CSNK1G3: variants seen among roughly 807,000 people sequenced by gnomAD.
CSNK1G3 encodes casein kinase 1 gamma 3, also known as casein kinase I isoform gamma-3.
A neutral mutation model predicts 64.3 loss-of-function variants in CSNK1G3; 23 were observed. The observed-to-expected ratio is 0.36, with a 90% CI of 0.26 to 0.51. CSNK1G3 has a LOEUF of 0.51. Ranked by LOEUF, CSNK1G3 falls within the 20% of genes least tolerant of loss-of-function variation. The pLI, the probability that CSNK1G3 is intolerant of heterozygous loss-of-function variation, is 0.96. For synonymous variants in CSNK1G3, 158 were observed against 162.2 expected, an observed-to-expected ratio of 0.97 and a Z score of 0.20; for missense variants, 357 against 510.5, an observed-to-expected ratio of 0.70 and a Z score of 2.90.
At chr5:123,564,011 A>G (rs1025946411) in intron 4 of CSNK1G3, among the ~76,000 whole-genome samples, 4 of 152,052 alleles carry the variant, frequency 2.6e-5, no homozygotes, top group African/African-American at 9.7e-5. Flanking sequence ...GAAGTTTTTA[A>G]AAATATGTAA....
At chr5:123,553,303 A>G (rs2150363638) in intron 3 of CSNK1G3, among the ~76,000 whole-genome samples, 156 bp downstream of exon 3, 1 of 152,320 alleles carries the variant, frequency 6.6e-6, no homozygotes, top group Admixed American at 6.5e-5. Flanking sequence ...AGCTCCTAAC[A>G]TCATCCTGCT....
chr5:123,538,240 A>G (rs888145031), intron 1 of CSNK1G3, among the ~76,000 whole-genome samples: 2 of 152,182 alleles, frequency 1.3e-5, no homozygotes, highest in African/African-American at 4.8e-5. Flanking sequence ...ATTTTACTTT[A>G]TAAGAAACTG....
chr5:123,551,813 ATTGT>A (rs1376967653), intron 2 of CSNK1G3, among the ~76,000 whole-genome samples: 30 of 152,274 alleles, frequency 2.0e-4, no homozygotes, highest in Admixed American at 1.8e-3. Context: ...AAAAACTATC[ATTGT>A]TTTGTTTTCC....
chr5:123,546,137 A>G (rs966685529), intron 2 of CSNK1G3, among the ~76,000 whole-genome samples: 26 of 152,268 alleles, frequency 1.7e-4, no homozygotes, highest in African/African-American at 5.3e-4. Context: ...AGCCTTTGCA[A>G]TGTTCTTTAG....
At chr5:123,542,714 C>A (rs1405608172) in intron 1 of CSNK1G3, among the ~76,000 whole-genome samples, 1 of 151,760 alleles carries the variant, frequency 6.6e-6, no homozygotes, top group Non-Finnish European at 1.5e-5. Context: ...TGAAAATATC[C>A]TTCCATTTTC....
At chr5:123,546,898 T>A (rs1782621710) in intron 2 of CSNK1G3, among the ~76,000 whole-genome samples, 1 of 152,136 alleles carries the variant, frequency 6.6e-6, no homozygotes, top group African/African-American at 2.4e-5. Context: ...ACATACTTGT[T>A]ACATGATGTG....
chr5:123,577,809 G>A (rs992286358), intron 6 of CSNK1G3, among the ~76,000 whole-genome samples: 1 of 151,604 alleles, frequency 6.6e-6, no homozygotes, highest in Non-Finnish European at 1.5e-5. Flanking sequence ...TGCATACTAT[G>A]TAACCCACAC....
intron 7 of CSNK1G3, 37 bp from the exon 8 acceptor site, chr5:123,588,390 A>G (rs1791714313): frequency 6.6e-7 from 1 of 1,507,334 alleles, no homozygotes; most frequent in Non-Finnish European, 9.2e-7. Flanking sequence ...TAATTTTTAA[A>G]TTACCACATT....
chr5:123,532,632 A>G (rs1227852769), intron 1 of CSNK1G3, among the ~76,000 whole-genome samples: 2 of 151,834 alleles, frequency 1.3e-5, no homozygotes, highest in East Asian at 1.9e-4. Flanking sequence ...ACTATTATTG[A>G]TGGCGTCTGT....
At chr5:123,592,546 A>C (rs77469803) in intron 10 of CSNK1G3, among the ~76,000 whole-genome samples, 3,966 of 152,084 alleles carry the variant, frequency 0.026, 176 homozygotes, top group African/African-American at 0.091. Context: ...GAGTGTCTAG[A>C]AATTTTCTCT....
chr5:123,613,411 A>ATGTG (rs34051969), intron 12 of CSNK1G3, among the ~76,000 whole-genome samples: 9,191 of 148,740 alleles, frequency 0.062, 334 homozygotes, highest in Non-Finnish European at 0.084. Context: ...TGTCCAGTGC[A>ATGTG]TGTGTGTGTG....
intron 6 of CSNK1G3, among the ~76,000 whole-genome samples, chr5:123,582,330 A>G (rs114260421): frequency 0.012 from 1,798 of 152,260 alleles, 42 homozygotes; most frequent in African/African-American, 0.04. Context: ...GTGGGCTGAA[A>G]TCTTGCCCTC....
rs573868782 is a variant in CSNK1G3, at chr5:123,522,192, C to T, written c.-248+9622C>T. 8.5e-5 allele frequency among the ~76,000 whole-genome samples: 13 copies of T among 152,152 alleles called. 1 individual carries two copies. The South Asian group carries it at 1.5e-3, about 17-fold the overall frequency. On this transcript the variant is annotated intron_variant, in intron 1 of 12. Coordinates refer to ENST00000345990, the Ensembl canonical transcript of CSNK1G3. ...ATAGCTTCATACAGTTCCTCAGATT[C>T]GTTCCAGGACCCCTCATGGCTATCA...
chr5:123,522,227 G>T (rs1437389028), intron 1 of CSNK1G3, among the ~76,000 whole-genome samples: 1 of 152,076 alleles, frequency 6.6e-6, no homozygotes, highest in Non-Finnish European at 1.5e-5. Context: ...AAAATCCAAG[G>T]ATGGGCTGGG....
chr5:123,610,553 A>T (rs1796143748), intron 12 of CSNK1G3, among the ~76,000 whole-genome samples: 1 of 152,282 alleles, frequency 6.6e-6, no homozygotes, highest in African/African-American at 2.4e-5. Context: ...CAAAGGAGAA[A>T]TGGTGGTGCG....
intron 5 of CSNK1G3, among the ~76,000 whole-genome samples, chr5:123,574,144 G>A (rs936176403): frequency 6.6e-5 from 10 of 152,018 alleles, no homozygotes; most frequent in Non-Finnish European, 5.9e-5. Flanking sequence ...CCACCGTGCC[G>A]GGCCAGAAAC....
intron 10 of CSNK1G3, among the ~76,000 whole-genome samples, chr5:123,604,235 G>T (rs1794966523): frequency 6.6e-6 from 1 of 152,116 alleles, no homozygotes; most frequent in African/African-American, 2.4e-5. Flanking sequence ...GAACAACTGG[G>T]TGAATGAATG....
rs191672707 is a variant in CSNK1G3 at position 123,544,427 on chromosome 5, G to A, written c.-247-990G>A. Among the ~76,000 whole-genome samples the A allele has an allele frequency of 4.3e-3, 654 of 152,230 alleles. 7 individuals carry two copies. The highest frequency in any genetic ancestry group is 6.4e-3 in the Non-Finnish European group (437 of 68,022). ...GAAAATTAATCAGAAAATACTGTCC[G>A]TTTCAACCCTTTTTATGGTTGCATT... On this transcript the variant is annotated intron_variant, in intron 1 of 12. Coordinates refer to ENST00000345990, the Ensembl canonical transcript of CSNK1G3.
chr5:123,579,286 T>G (rs1166257771), intron 6 of CSNK1G3, among the ~76,000 whole-genome samples: 5 of 70,156 alleles, frequency 7.1e-5, no homozygotes, highest in Admixed American at 2.1e-4. Context: ...AAATGTAAAT[T>G]TGCTGTTTTT....
Sources: gnomAD v4.1 joint callset for allele counts (sites outside exome capture counted in the v4.1 genomes callset) on GRCh38, gnomAD v4.1.1 for gene constraint, MANE v1.5 for transcripts, NCBI Gene and HGNC (gene_info 2026-07-23, HGNC 2026-07-21) for gene names.